Variants in NAALADL2 observed in about 807,000 individuals in gnomAD.
NAALADL2 encodes N-acetylated alpha-linked acidic dipeptidase like 2, also known as inactive N-acetylated-alpha-linked acidic dipeptidase-like protein 2.
NAALADL2 carries 76 observed loss-of-function variants against 87.2 expected under a neutral mutation model. The observed-to-expected ratio is 0.87, with a 90% CI of 0.72 to 1.05. NAALADL2 has a LOEUF of 1.05. NAALADL2 is among the 50% of genes least tolerant of loss of function. The probability of loss-of-function intolerance (pLI) is 0.00; values close to 1 mark genes in which losing one functional copy is unlikely to be tolerated. For missense variants in NAALADL2, 1,089 were observed against 945.8 expected, an observed-to-expected ratio of 1.15 and a Z score of -1.99; for synonymous variants, 354 against 331.0, an observed-to-expected ratio of 1.07 and a Z score of -0.75.
At chr3:174,491,532 C>G (rs1348653898) in intron 1 of NAALADL2, among the ~76,000 whole-genome samples, 1 of 152,120 alleles carries the variant, frequency 6.6e-6, no homozygotes, top group East Asian at 1.9e-4. Flanking sequence ...GCTCCATTGT[C>G]AACTCTATGT....
intron 1 of NAALADL2, among the ~76,000 whole-genome samples, chr3:175,011,413 T>A (rs1376242245): frequency 2.0e-5 from 3 of 152,278 alleles, no homozygotes; most frequent in East Asian, 3.9e-4. Flanking sequence ...CCACTTTCCA[T>A]GTAAAAATTC....
chr3:175,607,575 G>A (rs1004861090), intron 10 of NAALADL2, among the ~76,000 whole-genome samples: 1 of 152,036 alleles, frequency 6.6e-6, no homozygotes, highest in African/African-American at 2.4e-5. Flanking sequence ...TGACTTACTA[G>A]TTCCTGTTTT....
At chr3:175,131,505 A>G (rs924342423) in intron 2 of NAALADL2, among the ~76,000 whole-genome samples, 2 of 152,188 alleles carry the variant, frequency 1.3e-5, no homozygotes, top group Admixed American at 1.3e-4. Context: ...AATTTTTCTT[A>G]GTACAGAGCA....
chr3:175,136,011 G>A (rs1729061925), intron 2 of NAALADL2, among the ~76,000 whole-genome samples: 1 of 152,142 alleles, frequency 6.6e-6, no homozygotes, highest in African/African-American at 2.4e-5. Flanking sequence ...GAGAAGGAAT[G>A]GGAATATGGG....
intron 1 of NAALADL2, among the ~76,000 whole-genome samples, chr3:174,876,328 A>G (rs1221370957): frequency 6.6e-6 from 1 of 152,072 alleles, no homozygotes; most frequent in Non-Finnish European, 1.5e-5. Context: ...TTTGTTTTTT[A>G]CTCTTCAACT....
At chr3:174,448,954 G>A (rs551416401) in intron 1 of NAALADL2, among the ~76,000 whole-genome samples, 31 of 152,200 alleles carry the variant, frequency 2.0e-4, no homozygotes, top group Admixed American at 2.6e-4. Flanking sequence ...GTTTTAAGAC[G>A]GGGTGGATCA....
intron 9 of NAALADL2, among the ~76,000 whole-genome samples, chr3:175,546,952 A>G (rs538021267): frequency 6.6e-6 from 1 of 152,290 alleles, no homozygotes; most frequent in Non-Finnish European, 1.5e-5. Context: ...ATACATGCTG[A>G]TGGATAGGAG....
chr3:174,924,641 T>A (rs1057051457), intron 1 of NAALADL2, among the ~76,000 whole-genome samples: 1 of 152,120 alleles, frequency 6.6e-6, no homozygotes, highest in South Asian at 2.1e-4. Flanking sequence ...CGCCACACTG[T>A]CTTCCACAAT....
intron 5 of NAALADL2, among the ~76,000 whole-genome samples, chr3:175,370,047 G>A (rs142996813): frequency 4.3e-4 from 65 of 152,248 alleles, no homozygotes; most frequent in African/African-American, 1.5e-3. Context: ...TCATCTGAGA[G>A]CTGCTTGTCT....
intron 1 of NAALADL2, among the ~76,000 whole-genome samples, chr3:174,874,927 C>T (rs1416352788): frequency 6.6e-6 from 1 of 151,554 alleles, no homozygotes; most frequent in Non-Finnish European, 1.5e-5. Flanking sequence ...ACCAGCCTGG[C>T]AATATAGTGA....
rs552752477 is a variant in NAALADL2, at chr3:174,918,506, T to C, written c.43+59056T>C. On this transcript the variant is annotated intron_variant, in intron 1 of 13. Coordinates refer to ENST00000454872, the MANE Select transcript of NAALADL2 (RefSeq NM_207015.3). ...CAGCTCAGCTAAGCTCACTTGTGCA[T>C]CTGTACTCAGTTTTGTGGATCATCT... is the stretch of plus-strand genomic sequence containing the variant. Among the ~76,000 whole-genome samples, 12 of 152,310 alleles carry C rather than the reference T, an allele frequency of 7.9e-5. No homozygotes were observed. In the South Asian group the frequency reaches 2.1e-3, roughly 26 times the overall value.
chr3:175,296,627 G>A (rs1756417108), intron 4 of NAALADL2, among the ~76,000 whole-genome samples: 1 of 152,006 alleles, frequency 6.6e-6, no homozygotes. Flanking sequence ...GTCCCATATA[G>A]ATTTATGAAG....
intron 1 of NAALADL2, among the ~76,000 whole-genome samples, chr3:174,517,840 AAAACAG>A (rs1165898775): frequency 1.3e-5 from 2 of 152,110 alleles, no homozygotes; most frequent in Non-Finnish European, 2.9e-5. Context: ...TTTCCTCCTA[AAAACAG>A]AATGTCATTT....
chr3:175,384,417 A>T (rs565069115), intron 5 of NAALADL2, among the ~76,000 whole-genome samples: 5 of 152,168 alleles, frequency 3.3e-5, no homozygotes, highest in African/African-American at 1.2e-4. Flanking sequence ...ATTTGGAAAG[A>T]TGCTTTATCA....
At chr3:175,372,580 A>G (rs1357470325) in intron 5 of NAALADL2, among the ~76,000 whole-genome samples, 1 of 152,238 alleles carries the variant, frequency 6.6e-6, no homozygotes, top group Non-Finnish European at 1.5e-5. Context: ...AGAAAGGCAC[A>G]TGCCCACTAA....
chr3:175,681,307 C>G (rs1434583837), intron 11 of NAALADL2, among the ~76,000 whole-genome samples: 2 of 151,942 alleles, frequency 1.3e-5, no homozygotes, highest in Non-Finnish European at 2.9e-5. Flanking sequence ...AATGCATACT[C>G]GATATTTAAA....
chr3:175,431,055 G>A (rs1717668254), intron 5 of NAALADL2, among the ~76,000 whole-genome samples: 1 of 152,028 alleles, frequency 6.6e-6, no homozygotes, highest in African/African-American at 2.4e-5. Flanking sequence ...CTTTTGTACT[G>A]AAAAATGGAT....
intron 1 of NAALADL2, among the ~76,000 whole-genome samples, chr3:174,460,897 C>G (rs976656667): frequency 6.6e-6 from 1 of 152,006 alleles, no homozygotes; most frequent in Non-Finnish European, 1.5e-5. Flanking sequence ...CTTCCATCCC[C>G]CCAGTTAGAT....
At chr3:174,504,042 T>C (rs1719059287) in intron 1 of NAALADL2, among the ~76,000 whole-genome samples, 1 of 152,170 alleles carries the variant, frequency 6.6e-6, no homozygotes, top group Admixed American at 6.5e-5. Context: ...AAAATGTTAC[T>C]ATAAGCTGTT....
Sources: allele counts gnomAD v4.1 joint callset (sites outside exome capture counted in the v4.1 genomes callset), GRCh38; gene constraint gnomAD v4.1.1; transcripts MANE v1.5; gene names NCBI Gene and HGNC (gene_info 2026-07-23, HGNC 2026-07-21).